Variants in DAD1 observed in about 807,000 individuals in gnomAD.
The protein encoded by DAD1 is dolichyl-diphosphooligosaccharide--protein glycosyltransferase subunit DAD1.
A neutral mutation model predicts 9.0 loss-of-function variants in DAD1; 4 were observed. The ratio of observed to expected loss-of-function variants is 0.44; its 90% CI spans 0.22 to 1.01. The LOEUF is 1.01. DAD1 is among the 50% of genes least tolerant of loss of function. The probability of loss-of-function intolerance (pLI) is 0.24; values close to 1 mark genes in which losing one functional copy is unlikely to be tolerated. For synonymous variants in DAD1, 60 were observed against 62.5 expected (o/e 0.96, Z 0.19); for missense variants, 119 against 137.3 (o/e 0.87, Z 0.67).
At chr14:22,588,134 C>T (rs546617358) in intron 1 of DAD1, among the ~76,000 whole-genome samples, 1 of 152,298 alleles carries the variant, frequency 6.6e-6, no homozygotes, top group South Asian at 2.1e-4. Flanking sequence ...CATAATGCCT[C>T]ATATTGGACT....
At chr14:22,567,825 C>T (rs1360464637) in intron 2 of DAD1, among the ~76,000 whole-genome samples, 2 of 152,166 alleles carry the variant, frequency 1.3e-5, no homozygotes, top group Non-Finnish European at 2.9e-5. Context: ...GCATTCTCCT[C>T]CATTTCTCCT....
At chr14:22,576,798 TAAAATGGG>T (rs1394050581) in intron 1 of DAD1, among the ~76,000 whole-genome samples, 1 of 152,140 alleles carries the variant, frequency 6.6e-6, no homozygotes, top group Non-Finnish European at 1.5e-5. Context: ...AACCAGATTT[TAAAATGGG>T]CAAAGGACTT....
chr14:22,587,729 ACT>A (rs1050965792), intron 1 of DAD1, among the ~76,000 whole-genome samples: 3 of 150,930 alleles, frequency 2.0e-5, no homozygotes, highest in African/African-American at 7.3e-5. Flanking sequence ...GCACAGCACC[ACT>A]GTCACCAGAC....
chr14:22,579,824 T>TGA lies in DAD1; in HGVS notation c.212-4593_212-4592dup, dbSNP rs573791411. On this transcript the variant is annotated intron_variant, in intron 1 of 2. Coordinates refer to ENST00000250498, the MANE Select transcript of DAD1 (RefSeq NM_001344.4). ...GCAAACATATCTAAGACTTATTAAGTGAAAAAAAGCCAATCCTTTTTTTTT... is the reference window on the plus strand; with the variant it reads ...GCAAACATATCTAAGACTTATTAAGTGAGAAAAAAAGCCAATCCTTTTTTTTT... Among the ~76,000 whole-genome samples the TGA allele has an allele frequency of 2.3e-3, 333 of 143,604 alleles. 3 individuals are homozygous for TGA. The highest frequency in any genetic ancestry group is 0.012 in the South Asian group (53 of 4,546). The allele number at this position is 143,604 out of a possible 152,430, so 94.2% of individuals were successfully genotyped here.
chr14:22,584,838 T>C (rs767139636), intron 1 of DAD1, among the ~76,000 whole-genome samples: 1 of 152,200 alleles, frequency 6.6e-6, no homozygotes, highest in African/African-American at 2.4e-5. Flanking sequence ...ACAATCAGAT[T>C]TGCAAGTCAA....
chr14:22,585,807 A>C (rs866800923), intron 1 of DAD1, among the ~76,000 whole-genome samples: 37 of 152,376 alleles, frequency 2.4e-4, no homozygotes, highest in Middle Eastern at 6.8e-3. Flanking sequence ...CAGAGGGAAT[A>C]GAAGAGAATA....
At chr14:22,571,625 CTTTT>C (rs869205395) in intron 2 of DAD1, among the ~76,000 whole-genome samples, 8,001 of 109,832 alleles carry the variant, frequency 0.073, 327 homozygotes, top group African/African-American at 0.13. Flanking sequence ...GCAAGGGGCT[CTTTT>C]TTTTTTTTTT....
chr14:22,582,804 G>A (rs1202308460), intron 1 of DAD1, among the ~76,000 whole-genome samples: 8 of 152,040 alleles, frequency 5.3e-5, no homozygotes, highest in African/African-American at 1.7e-4. Context: ...TCAGGAGTTC[G>A]TGACCAGCCT....
intron 2 of DAD1, among the ~76,000 whole-genome samples, chr14:22,567,893 C>G (rs907867603): frequency 6.6e-6 from 1 of 152,134 alleles, no homozygotes; most frequent in African/African-American, 2.4e-5. Flanking sequence ...GGCCTTCATC[C>G]TTTCCTATCA....
chr14:22,583,277 A>G (rs191742107), intron 1 of DAD1, among the ~76,000 whole-genome samples: 1 of 152,366 alleles, frequency 6.6e-6, no homozygotes, highest in East Asian at 1.9e-4. Flanking sequence ...AGGTATCTAC[A>G]ACCATGCTCT....
Position 22,588,884 on chromosome 14 carries a change from T to C in DAD1, c.211+63A>G, listed in dbSNP as rs1399634630. Reference sequence around the variant, plus strand: ...GGCGGTGGTCTGATATAGAGTACTATGAAAACAAAAGCAGCACACCAAAGT... The same window carrying C: ...GGCGGTGGTCTGATATAGAGTACTACGAAAACAAAAGCAGCACACCAAAGT... On this transcript the variant is annotated intron_variant, in intron 1 of 2. Transcript: ENST00000250498. 5 of 1,550,118 alleles carry C rather than the reference T, an allele frequency of 3.2e-6. No homozygotes were observed. The East Asian group carries it at 9.1e-5, about 28-fold the overall frequency.
At chr14:22,584,973 T>C (rs1175903076) in intron 1 of DAD1, among the ~76,000 whole-genome samples, 1 of 152,174 alleles carries the variant, frequency 6.6e-6, no homozygotes, top group East Asian at 1.9e-4. Flanking sequence ...AAAGTAGCAA[T>C]GATATGAAAG....
chr14:22,583,712 G>C (rs1026233187), intron 1 of DAD1, among the ~76,000 whole-genome samples: 4 of 152,078 alleles, frequency 2.6e-5, no homozygotes, highest in African/African-American at 4.8e-5. Flanking sequence ...AATAATTGCA[G>C]AAGCGGAGTC....
intron 1 of DAD1, among the ~76,000 whole-genome samples, chr14:22,577,897 G>C (rs1196168709): frequency 6.6e-6 from 1 of 152,126 alleles, no homozygotes; most frequent in East Asian, 1.9e-4. Context: ...TAATGCCACA[G>C]AACTATACAC....
chr14:22,575,788 C>T (rs1039173496), intron 1 of DAD1, among the ~76,000 whole-genome samples: 2 of 152,150 alleles, frequency 1.3e-5, no homozygotes, highest in African/African-American at 4.8e-5. Flanking sequence ...ACCTTGTGAT[C>T]CACCTGCCTC....
At chr14:22,574,356 G>A (rs61972400) in intron 2 of DAD1, among the ~76,000 whole-genome samples, 13,977 of 151,996 alleles carry the variant, frequency 0.092, 1,178 homozygotes, top group African/African-American at 0.22. Flanking sequence ...AGGGGAGGGC[G>A]TACCATATGT....
chr14:22,573,811 T>C (rs1220283159), intron 2 of DAD1, among the ~76,000 whole-genome samples: 1 of 151,360 alleles, frequency 6.6e-6, no homozygotes, highest in East Asian at 1.9e-4. Context: ...TTACCTGAAC[T>C]AACAGAACTG....
At chr14:22,578,109 C>T (rs568444827) in intron 1 of DAD1, among the ~76,000 whole-genome samples, 13 of 151,366 alleles carry the variant, frequency 8.6e-5, no homozygotes, top group Admixed American at 3.3e-4. Flanking sequence ...CAAAATTAGC[C>T]GGGCATGGTG....
At chr14:22,588,828 G>A (rs2037171645) in intron 1 of DAD1, 119 bp downstream of exon 1, 2 of 991,000 alleles carry the variant, frequency 2.0e-6, no homozygotes, top group African/African-American at 3.3e-5. Flanking sequence ...ACAACAAAAG[G>A]GCAATGCAGG....
Sources: allele counts gnomAD v4.1 joint callset (sites outside exome capture counted in the v4.1 genomes callset), GRCh38; gene constraint gnomAD v4.1.1; transcripts MANE v1.5; gene names NCBI Gene and HGNC (gene_info 2026-07-23, HGNC 2026-07-21).